The following TBL1X variants were observed in gnomAD, a reference collection of about 807,000 sequenced individuals.
The protein encoded by TBL1X is transducin beta like 1 X-linked, also known as F-box-like/WD repeat-containing protein TBL1X.
Under a neutral mutation model 50.7 loss-of-function variants are expected in TBL1X, and 10 were observed. That is an observed-to-expected ratio of 0.20 (90% CI 0.12 to 0.33). The LOEUF (loss-of-function observed/expected upper bound fraction) is 0.33, where lower values mean the gene tolerates loss of function less well. TBL1X is among the 10% of genes least tolerant of loss of function. TBL1X has a pLI of 1.00. For synonymous variants in TBL1X, 190 were observed against 214.7 expected (o/e 0.88, Z 1.01); for missense variants, 340 against 504.4 (o/e 0.67, Z 3.12).
intron 2 of TBL1X, among the ~76,000 whole-genome samples, chrX:9,619,685 T>A (rs930568186): frequency 1.8e-5 from 2 of 112,443 alleles, no homozygotes; most frequent in Non-Finnish European, 3.8e-5. Context: ...GTGAGGACAC[T>A]GAGTGAAATG....
chrX:9,601,830 C>T (rs973245821), intron 2 of TBL1X, among the ~76,000 whole-genome samples: 5 of 111,903 alleles, frequency 4.5e-5, no homozygotes, highest in Non-Finnish European at 7.5e-5. Flanking sequence ...CACTTTGAGG[C>T]CAGGAGTTCA....
chrX:9,706,033 T>C (rs1207122321), intron 13 of TBL1X, among the ~76,000 whole-genome samples: 1 of 106,891 alleles, frequency 9.4e-6, no homozygotes, highest in Non-Finnish European at 1.9e-5. Flanking sequence ...GTGGGGGGGG[T>C]GTCACATACT....
intron 2 of TBL1X, among the ~76,000 whole-genome samples, chrX:9,587,383 G>C (rs2082475851): frequency 8.9e-6 from 1 of 112,209 alleles, no homozygotes; most frequent in Non-Finnish European, 1.9e-5. Context: ...TGACCCATTA[G>C]AGGCAAAGAA....
At chrX:9,545,898 C>A (rs1441535576) in intron 2 of TBL1X, among the ~76,000 whole-genome samples, 2 of 111,881 alleles carry the variant, frequency 1.8e-5, no homozygotes, top group Admixed American at 1.9e-4. Context: ...AGTCCCCCAA[C>A]CTTCTTCTAT....
chrX:9,545,912 A>G (rs1226197258), intron 2 of TBL1X, among the ~76,000 whole-genome samples: 3 of 111,861 alleles, frequency 2.7e-5, no homozygotes, highest in Non-Finnish European at 5.6e-5. Flanking sequence ...CTTCTATGAC[A>G]TAGGAGTTTG....
At chrX:9,608,701 G>A (rs777202254) in intron 2 of TBL1X, among the ~76,000 whole-genome samples, 1 of 112,218 alleles carries the variant, frequency 8.9e-6, no homozygotes, top group South Asian at 3.7e-4. Flanking sequence ...AATAATTTGG[G>A]GGTACTCCTA....
Position 9,692,215 on chromosome X carries a change from C to A in TBL1X, c.852C>A (p.Asp284Glu). The A allele has an allele frequency of 1.7e-6, 2 of 1,200,391 alleles. No individual in the cohort carries two copies. Among genetic ancestry groups the A allele is most frequent in the East Asian group, 3.0e-5 (1 of 33,624 alleles). The change falls in exon 9 of 18, where the codon GAC becomes GAA. Residue 284 changes from aspartate (D) to glutamate (E), a missense_variant. Around this residue, in one of 6 missense-constraint regions of TBL1X, gnomAD observed 170 missense variants for 272.6 expected, o/e 0.62. Coordinates refer to ENST00000645353, the MANE Select transcript of TBL1X (RefSeq NM_005647.4). ...LRHCIREGGH[D>E]VPSNKDVTSL... ...ACTGTATACGAGAGGGGGGCCATGA[C>A]GTCCCGAGTAACAAAGACGTCACCT...
intron 1 of TBL1X, among the ~76,000 whole-genome samples, chrX:9,475,452 G>A (rs1481441799): frequency 9.1e-6 from 1 of 109,755 alleles, no homozygotes; most frequent in African/African-American, 3.3e-5. Flanking sequence ...CACCATGTTG[G>A]CCAGGCTGGT....
intron 1 of TBL1X, among the ~76,000 whole-genome samples, chrX:9,490,290 C>T (rs1351788071): frequency 8.9e-6 from 1 of 111,841 alleles, no homozygotes; most frequent in Non-Finnish European, 1.9e-5. Flanking sequence ...GTTAAACCTG[C>T]AGCTTCCTTG....
chrX:9,469,280 G>A (rs1337746621), intron 1 of TBL1X, among the ~76,000 whole-genome samples: 6 of 110,998 alleles, frequency 5.4e-5, no homozygotes, highest in East Asian at 2.8e-4. Flanking sequence ...CTCCTGCCTC[G>A]GCCTCCTGAG....
intron 2 of TBL1X, among the ~76,000 whole-genome samples, chrX:9,580,538 C>T (rs1031877579): frequency 1.8e-5 from 2 of 111,830 alleles, no homozygotes; most frequent in Admixed American, 9.4e-5. Context: ...GGCAGGTTTG[C>T]TCTGAGCAGT....
intron 2 of TBL1X, among the ~76,000 whole-genome samples, chrX:9,590,094 G>A (rs938811911): frequency 6.2e-5 from 7 of 112,181 alleles, no homozygotes; most frequent in South Asian, 3.7e-4. Context: ...AGGGAAGAAC[G>A]GGGAACCATC....
At chrX:9,657,348 C>T (rs967921654) in intron 5 of TBL1X, among the ~76,000 whole-genome samples, 4 of 112,361 alleles carry the variant, frequency 3.6e-5, no homozygotes, top group Admixed American at 9.4e-5. Context: ...TGCTTCTCTG[C>T]CCTGGACCCA....
At chrX:9,613,843 G>A (rs1385559925) in intron 2 of TBL1X, among the ~76,000 whole-genome samples, 2 of 108,559 alleles carry the variant, frequency 1.8e-5, no homozygotes, top group African/African-American at 3.4e-5. Flanking sequence ...AAAATTAGCC[G>A]GGCATGGTGG....
upstream of TBL1X, among the ~76,000 whole-genome samples, chrX:9,464,833 G>A (rs1394637359): frequency 9.1e-6 from 1 of 110,421 alleles, no homozygotes; most frequent in Non-Finnish European, 1.9e-5. Context: ...CTGGTCCCCC[G>A]ACCGTGGGAC....
chrX:9,699,619 G>T (rs761683829), intron 12 of TBL1X, among the ~76,000 whole-genome samples: 1 of 111,632 alleles, frequency 9.0e-6, no homozygotes, highest in African/African-American at 3.3e-5. Flanking sequence ...GCCTGGGGAG[G>T]GCTCCAGGCA....
chrX:9,693,509 T>C (rs1241136369), intron 11 of TBL1X, 90 bp downstream of exon 11: 23 of 858,040 alleles, frequency 2.7e-5, no homozygotes, highest in Non-Finnish European at 3.6e-5. Flanking sequence ...TTGGAACTCG[T>C]AGGCTTTGTG....
chrX:9,569,803 G>A (rs2082375581), intron 2 of TBL1X, among the ~76,000 whole-genome samples: 1 of 112,562 alleles, frequency 8.9e-6, no homozygotes, highest in African/African-American at 3.2e-5. Context: ...GTGCCCTGGA[G>A]CCTAAAGGCT....
At chrX:9,481,511 G>A (rs1221175735) in intron 1 of TBL1X, among the ~76,000 whole-genome samples, 1 of 111,985 alleles carries the variant, frequency 8.9e-6, no homozygotes. Context: ...ATACAAATCT[G>A]TTTTCTTTTG....
Sources: gnomAD v4.1 joint callset for allele counts (sites outside exome capture counted in the v4.1 genomes callset) on GRCh38, gnomAD v4.1.1 for gene constraint, gnomAD v4.1.1 regional missense constraint, MANE v1.5 for transcripts, NCBI Gene and HGNC (gene_info 2026-07-23, HGNC 2026-07-21) for gene names.